Variants in UBE2G1 observed in about 807,000 individuals in gnomAD.
UBE2G1 encodes ubiquitin conjugating enzyme E2 G1, also known as ubiquitin-conjugating enzyme E2 G1.
A neutral mutation model predicts 22.7 loss-of-function variants in UBE2G1; 5 were observed. The observed-to-expected ratio is 0.22, with a 90% confidence interval of 0.12 to 0.46. The LOEUF (loss-of-function observed/expected upper bound fraction) is 0.46. Among genes scored for constraint, UBE2G1 ranks in the 20% least tolerant of loss-of-function variants. The probability of loss-of-function intolerance (pLI) is 0.99; values close to 1 mark genes in which losing one functional copy is unlikely to be tolerated. For synonymous variants in UBE2G1, 74 were observed against 67.5 expected (o/e 1.10, Z -0.47); for missense variants, 88 against 203.9 (o/e 0.43, Z 3.46).
In UBE2G1 at chr17:4,362,694, G is replaced by A; in HGVS notation, c.46+3577C>T. On this transcript the variant is annotated intron_variant, in intron 1 of 5. Transcript: ENST00000396981. Reference sequence around the variant, plus strand: ...TAGCCATTGTTGTTTTAAGTTTTTGGAAATTTTATACAAAAATTAGCCTGG... The same window carrying A: ...TAGCCATTGTTGTTTTAAGTTTTTGAAAATTTTATACAAAAATTAGCCTGG... Among the ~76,000 whole-genome samples, 2 of 152,128 alleles carry A rather than the reference G, an allele frequency of 1.3e-5. 1 individual carries two copies. Among genetic ancestry groups the A allele is most frequent in the East Asian group, 3.8e-4 (2 of 5,200 alleles).
chr17:4,300,593 C>T (rs1399006312), intron 2 of UBE2G1, among the ~76,000 whole-genome samples: 5 of 151,664 alleles, frequency 3.3e-5, no homozygotes, highest in Admixed American at 3.3e-4. Flanking sequence ...AAAAAGGCAC[C>T]AATTAATTCA....
chr17:4,323,537 A>C (rs891217486), intron 1 of UBE2G1, among the ~76,000 whole-genome samples: 10 of 152,330 alleles, frequency 6.6e-5, no homozygotes, highest in African/African-American at 2.4e-4. Context: ...TCATCTCCCA[A>C]AGGAAAAATT....
chr17:4,361,080 G>T (rs938166166), intron 1 of UBE2G1, among the ~76,000 whole-genome samples: 2 of 151,746 alleles, frequency 1.3e-5, no homozygotes, highest in African/African-American at 2.4e-5. Context: ...AAAATTAGCT[G>T]GGCGTGGTGG....
intron 3 of UBE2G1, among the ~76,000 whole-genome samples, chr17:4,296,219 A>G (rs1008617659): frequency 2.0e-5 from 3 of 151,936 alleles, no homozygotes; most frequent in Non-Finnish European, 4.4e-5. Flanking sequence ...CAAACTGAAA[A>G]CTAAGTAAAT....
At chr17:4,309,129 G>A (rs139520733) in intron 1 of UBE2G1, among the ~76,000 whole-genome samples, 46 of 152,234 alleles carry the variant, frequency 3.0e-4, no homozygotes, top group Middle Eastern at 3.4e-3. Context: ...GCATGGAGGC[G>A]GACATCTGTA....
intron 1 of UBE2G1, among the ~76,000 whole-genome samples, chr17:4,340,871 C>A (rs1418711582): frequency 1.3e-5 from 2 of 148,588 alleles, no homozygotes; most frequent in Admixed American, 6.7e-5. Context: ...GCCTTCCACA[C>A]CCGGCCCCTT....
chr17:4,319,803 CT>C (rs1969416585), intron 1 of UBE2G1, among the ~76,000 whole-genome samples: 1 of 151,290 alleles, frequency 6.6e-6, no homozygotes, highest in African/African-American at 2.4e-5. Context: ...GTATTGTAAA[CT>C]TTAAGGACTT....
chr17:4,306,298 C>A (rs1969248171), intron 2 of UBE2G1, among the ~76,000 whole-genome samples: 1 of 152,052 alleles, frequency 6.6e-6, no homozygotes, highest in Non-Finnish European at 1.5e-5. Context: ...AAGTGATTCT[C>A]CTGCCTCAGC....
chr17:4,361,522 G>A (rs1038798292), intron 1 of UBE2G1, among the ~76,000 whole-genome samples: 4 of 151,668 alleles, frequency 2.6e-5, no homozygotes, highest in Admixed American at 2.0e-4. Context: ...GTGAGACTCC[G>A]TCTCAAAAAA....
intron 2 of UBE2G1, among the ~76,000 whole-genome samples, chr17:4,300,359 A>G (rs1415838244): frequency 2.0e-5 from 3 of 151,272 alleles, no homozygotes; most frequent in African/African-American, 7.3e-5. Context: ...CCTGACCAAT[A>G]TGGTGAAACG....
At chr17:4,287,574 T>C (rs1968980543) in intron 4 of UBE2G1, among the ~76,000 whole-genome samples, 1 of 152,242 alleles carries the variant, frequency 6.6e-6, no homozygotes, top group Non-Finnish European at 1.5e-5. Flanking sequence ...GATAGTTTTC[T>C]GCCAGTTTTT....
intron 1 of UBE2G1, among the ~76,000 whole-genome samples, chr17:4,318,113 C>A (rs1969398187): frequency 6.6e-6 from 1 of 152,052 alleles, no homozygotes; most frequent in African/African-American, 2.4e-5. Flanking sequence ...GATGGTAAAG[C>A]CCTTGGTAAC....
intron 3 of UBE2G1, among the ~76,000 whole-genome samples, chr17:4,293,722 T>C (rs1969070895): frequency 6.6e-6 from 1 of 152,180 alleles, no homozygotes; most frequent in Non-Finnish European, 1.5e-5. Context: ...GGGTAAAAAG[T>C]GGTATTTCAT....
Position 4,366,469 on chromosome 17 carries a change from G to T in UBE2G1, c.-153C>A. The stretch of plus-strand genomic sequence containing the variant: ...GCCGGGCTGAGGCGGCGGGAGCGGC[G>T]CCTCGCTGCCGGTGCGAGTCCGCTC... On this transcript the variant is annotated 5_prime_UTR_variant, in exon 1 of 6. Coordinates refer to ENST00000396981, the MANE Select transcript of UBE2G1 (RefSeq NM_003342.5). 1 of 657,970 alleles carries T rather than the reference G, an allele frequency of 1.5e-6. No individual in the cohort carries two copies. The allele number at this position is 657,970 out of a possible 1,614,324, so 40.8% of individuals were successfully genotyped here.
chr17:4,324,404 T>TG (rs1328590454), intron 1 of UBE2G1, among the ~76,000 whole-genome samples: 31 of 152,326 alleles, frequency 2.0e-4, no homozygotes, highest in African/African-American at 6.5e-4. Flanking sequence ...AATTATATTT[T>TG]GGGTATATTG....
intron 1 of UBE2G1, among the ~76,000 whole-genome samples, chr17:4,316,717 G>A (rs1969379027): frequency 6.6e-6 from 1 of 152,010 alleles, no homozygotes; most frequent in South Asian, 2.1e-4. Flanking sequence ...AGGCACAGTG[G>A]CTCATACCTG....
At chr17:4,278,995 C>G (rs1283263165) in intron 5 of UBE2G1, among the ~76,000 whole-genome samples, 2 of 152,162 alleles carry the variant, frequency 1.3e-5, no homozygotes, top group Non-Finnish European at 2.9e-5. Flanking sequence ...AAGCCCATGG[C>G]CAGCCACAGT....
At chr17:4,288,171 CA>C (rs1197426828) in intron 4 of UBE2G1, among the ~76,000 whole-genome samples, 1 of 152,178 alleles carries the variant, frequency 6.6e-6, no homozygotes, top group Non-Finnish European at 1.5e-5. Context: ...TTAACTAATA[CA>C]TTTTTTTCTA....
At chr17:4,353,153 G>A (rs1397730808) in intron 1 of UBE2G1, among the ~76,000 whole-genome samples, 1 of 152,030 alleles carries the variant, frequency 6.6e-6, no homozygotes, top group Non-Finnish European at 1.5e-5. Context: ...AGGAGGCGGA[G>A]GCTGCGGTGA....
Sources: gnomAD v4.1 joint callset for allele counts (sites outside exome capture counted in the v4.1 genomes callset) on GRCh38, gnomAD v4.1.1 for gene constraint, MANE v1.5 for transcripts, NCBI Gene and HGNC (gene_info 2026-07-23, HGNC 2026-07-21) for gene names.